The following HIVEP3 variants were observed in gnomAD, a reference collection of about 807,000 sequenced individuals.
HIVEP3 encodes HIVEP zinc finger 3, also known as transcription factor HIVEP3.
HIVEP3 carries 49 observed loss-of-function variants against 152.8 expected under a neutral mutation model. The observed-to-expected ratio is 0.32, with a 90% CI of 0.26 to 0.41. The LOEUF (loss-of-function observed/expected upper bound fraction) is 0.41. Ranked by LOEUF, HIVEP3 falls within the 10% of genes least tolerant of loss-of-function variation. The pLI is 1.00. For missense variants in HIVEP3, 2,790 were observed against 3,103.3 expected (o/e 0.90, Z 2.40); for synonymous variants, 1,269 against 1,289.0 (o/e 0.98, Z 0.33).
At chr1:41,647,901 A>C (rs7539238) in intron 2 of HIVEP3, among the ~76,000 whole-genome samples, 103,783 of 152,172 alleles carry the variant, frequency 0.68, 35,647 homozygotes, top group East Asian at 0.98. Flanking sequence ...GAGGCCCCTG[A>C]CTGGTGAGGC....
intron 1 of HIVEP3, among the ~76,000 whole-genome samples, chr1:41,942,101 T>C (rs1645048932): frequency 6.6e-6 from 1 of 152,198 alleles, no homozygotes; most frequent in African/African-American, 2.4e-5. Flanking sequence ...GTATTAGAAA[T>C]ATATTTTCTT....
chr1:41,897,082 C>G (rs1644541526), intron 1 of HIVEP3, among the ~76,000 whole-genome samples: 1 of 151,932 alleles, frequency 6.6e-6, no homozygotes, highest in Non-Finnish European at 1.5e-5. Context: ...GTAGGGACCA[C>G]CACAGTGGTG....
At chr1:41,753,617 G>A (rs1647202526) in intron 1 of HIVEP3, among the ~76,000 whole-genome samples, 1 of 151,856 alleles carries the variant, frequency 6.6e-6, no homozygotes. Flanking sequence ...GCAGTGAGCC[G>A]AGATCACGTC....
At chr1:41,678,273 G>C (rs555585335) in intron 2 of HIVEP3, among the ~76,000 whole-genome samples, 9 of 152,134 alleles carry the variant, frequency 5.9e-5, no homozygotes, top group Admixed American at 5.9e-4. Context: ...TGAGTTGGCC[G>C]GCCCCTCCAT....
chr1:41,604,915 G>T (rs2149127332), intron 3 of HIVEP3, among the ~76,000 whole-genome samples: 1 of 152,024 alleles, frequency 6.6e-6, no homozygotes, highest in Admixed American at 6.5e-5. Flanking sequence ...ACCAGCTTGG[G>T]CAATGTAGGG....
intron 1 of HIVEP3, among the ~76,000 whole-genome samples, chr1:41,904,855 C>A (rs1644684953): frequency 6.6e-6 from 1 of 152,198 alleles, no homozygotes; most frequent in Non-Finnish European, 1.5e-5. Context: ...TCCAATCCCC[C>A]ATCCTAATAA....
chr1:41,710,691 G>A (rs1194732659), intron 1 of HIVEP3, among the ~76,000 whole-genome samples: 1 of 152,162 alleles, frequency 6.6e-6, no homozygotes, highest in South Asian at 2.1e-4. Flanking sequence ...CTATGTGTCT[G>A]TCTCGTTCCC....
intron 1 of HIVEP3, among the ~76,000 whole-genome samples, chr1:41,967,890 C>A (rs1645208242): frequency 6.6e-6 from 1 of 152,124 alleles, no homozygotes; most frequent in South Asian, 2.1e-4. Context: ...ATACAAACAA[C>A]TATCAGAGAA....
intron 5 of HIVEP3, among the ~76,000 whole-genome samples, chr1:41,555,596 C>A (rs982279677): frequency 9.9e-5 from 15 of 152,214 alleles, no homozygotes; most frequent in Non-Finnish European, 4.4e-5. Context: ...CTGGGAGCTG[C>A]AGACCACAGC....
chr1:41,793,457 C>T (rs1217847918), intron 1 of HIVEP3, among the ~76,000 whole-genome samples: 1 of 152,168 alleles, frequency 6.6e-6, no homozygotes, highest in East Asian at 1.9e-4. Context: ...GGCAGAGAAG[C>T]TGATCCACTG....
At chr1:41,560,895 T>C (rs192833640) in intron 5 of HIVEP3, among the ~76,000 whole-genome samples, 1 of 152,260 alleles carries the variant, frequency 6.6e-6, no homozygotes, top group East Asian at 1.9e-4. Context: ...AGCAGATGCC[T>C]CACCTCAAAC....
chr1:41,561,679 A>AT (rs56969476), intron 5 of HIVEP3, among the ~76,000 whole-genome samples: 33,056 of 126,966 alleles, frequency 0.26, 4,358 homozygotes, highest in African/African-American at 0.3. Flanking sequence ...TGCCCAGCTA[A>AT]TTTTTTTTTT....
intron 1 of HIVEP3, among the ~76,000 whole-genome samples, chr1:41,834,888 G>A (rs1643077301): frequency 6.6e-6 from 1 of 152,172 alleles, no homozygotes; most frequent in Admixed American, 6.5e-5. Context: ...AAGTGCAATG[G>A]CCCTGAGGTG....
chr1:41,754,991 A>G (rs1250106123), intron 1 of HIVEP3, among the ~76,000 whole-genome samples: 1 of 152,224 alleles, frequency 6.6e-6, no homozygotes, highest in Admixed American at 6.5e-5. Flanking sequence ...AAGGAACCAG[A>G]ACACTGAAAC....
rs1223954197 is a variant in HIVEP3 at position 41,580,083 on chromosome 1, G to C, written c.4715C>G (p.Pro1572Arg). The C allele has an allele frequency of 6.2e-7, 1 of 1,614,232 alleles. No homozygotes were observed. The highest frequency in any genetic ancestry group is 1.3e-5 in the African/African-American group (1 of 75,068). The change falls in exon 4 of 9, where the codon CCT (proline) becomes CGT (arginine). Residue 1572 changes from proline (P) to arginine (R), a missense_variant. Physicochemically the swap from Pro to Arg is moderately radical, Grantham distance 103. Coordinates refer to ENST00000372583, the MANE Select transcript of HIVEP3 (RefSeq NM_024503.5). ...LPSLAPPSSLPLSETSSRPAK... is the reference protein window; with the variant it reads ...LPSLAPPSSLRLSETSSRPAK... ...TGGTCTGGAGGACGTTTCTGACAGA[G>C]GCAGAGAGCTCGGAGGTGCCAAGGA...
chr1:41,544,813 CCACCTCTACCACCACCAT>C (rs1643652134), intron 5 of HIVEP3, among the ~76,000 whole-genome samples: 1 of 132,730 alleles, frequency 7.5e-6, no homozygotes. Context: ...ACCACCACTA[CCACCTCTACCACCACCAT>C]CACCACCACC....
At chr1:41,575,827 T>C in intron 4 of HIVEP3, 138 bp from the exon 5 acceptor site, 1 of 902,686 alleles carries the variant, frequency 1.1e-6, no homozygotes, top group East Asian at 2.5e-5. Context: ...CATGAAGAGG[T>C]GCTATTAGCT....
At chr1:41,730,069 G>GT (rs1161674679) in intron 1 of HIVEP3, among the ~76,000 whole-genome samples, 1 of 152,224 alleles carries the variant, frequency 6.6e-6, no homozygotes, top group East Asian at 1.9e-4. Flanking sequence ...CTTAGGAAAC[G>GT]TGACTGCAGA....
intron 1 of HIVEP3, among the ~76,000 whole-genome samples, chr1:41,952,104 T>C (rs951608364): frequency 2.6e-5 from 4 of 152,204 alleles, no homozygotes; most frequent in Admixed American, 1.3e-4. Context: ...TTCAGGGCTA[T>C]CTTCCCTGAA....
Sources: allele counts gnomAD v4.1 joint callset (sites outside exome capture counted in the v4.1 genomes callset), GRCh38; gene constraint gnomAD v4.1.1; transcripts MANE v1.5; gene names NCBI Gene and HGNC (gene_info 2026-07-23, HGNC 2026-07-21).